The following RIMS1 variants were observed in gnomAD, a reference collection of about 807,000 sequenced individuals.
RIMS1 encodes regulating synaptic membrane exocytosis 1.
RIMS1 carries 83 observed loss-of-function variants against 214.1 expected under a neutral mutation model. The ratio of observed to expected loss-of-function variants is 0.39; its 90% CI spans 0.32 to 0.47. The LOEUF is 0.47. Ranked by LOEUF, RIMS1 falls within the 20% of genes least tolerant of loss-of-function variation. RIMS1 has a pLI of 0.99. For missense variants in RIMS1, 2,050 were observed against 2,161.8 expected, an observed-to-expected ratio of 0.95 and a Z score of 1.03; for synonymous variants, 793 against 786.8, an observed-to-expected ratio of 1.01 and a Z score of -0.13.
chr6:71,929,413 T>C (rs1782438845), intron 1 of RIMS1, among the ~76,000 whole-genome samples: 1 of 152,148 alleles, frequency 6.6e-6, no homozygotes, highest in Non-Finnish European at 1.5e-5. Flanking sequence ...ACAAAGTACA[T>C]TTTATTTGGA....
In RIMS1 at chr6:71,992,422, C is replaced by CTTTA. The variant is rs1156813138; in HGVS notation, c.245+23362_245+23363insATTT. Among the ~76,000 whole-genome samples the CTTTA allele has an allele frequency of 8.1e-5, 6 of 74,252 alleles. No individual in the cohort carries two copies. The South Asian group carries it at 2.2e-3, about 28-fold the overall frequency. 48.7% of individuals were successfully genotyped at this position (74,252 alleles called of 152,430 possible). A position where few individuals can be genotyped will look rare whatever the true frequency, so the allele number is the denominator to read the frequency against. ...TCTCTCTCTCTTTCTTTCTTTCTTT[C>CTTTA]TTTCTTTCTTTCTTTCTTTCTTTCT... On this transcript the variant is annotated intron_variant, in intron 2 of 33. Coordinates refer to ENST00000521978, the MANE Select transcript of RIMS1 (RefSeq NM_014989.7).
At chr6:72,266,216 G>GT in intron 22 of RIMS1, 167 bp downstream of exon 22, 1 of 661,116 alleles carries the variant, frequency 1.5e-6, no homozygotes, top group Non-Finnish European at 2.7e-6. Context: ...AGAGATATGC[G>GT]TATGTGGATA....
At chr6:72,003,338 C>T (rs146227850) in intron 2 of RIMS1, among the ~76,000 whole-genome samples, 31 of 152,056 alleles carry the variant, frequency 2.0e-4, no homozygotes, top group African/African-American at 6.0e-4. Flanking sequence ...TCTTGGTATC[C>T]GATTTTAAGT....
At chr6:72,053,043 A>C (rs557359910) in intron 2 of RIMS1, among the ~76,000 whole-genome samples, 1 of 152,204 alleles carries the variant, frequency 6.6e-6, no homozygotes, top group South Asian at 2.1e-4. Context: ...TACTTCCTGA[A>C]GTGAACCTTC....
chr6:72,383,878 TA>T (rs538673095), intron 29 of RIMS1, among the ~76,000 whole-genome samples: 210 of 151,980 alleles, frequency 1.4e-3, no homozygotes, highest in South Asian at 4.0e-3. Flanking sequence ...ACCTCAAAAA[TA>T]AAAAAAATAT....
chr6:71,999,737 C>T (rs1037257295), intron 2 of RIMS1, among the ~76,000 whole-genome samples: 3 of 152,082 alleles, frequency 2.0e-5, no homozygotes, highest in South Asian at 2.1e-4. Flanking sequence ...ATTAAGCAGG[C>T]AGGACAATTA....
intron 8 of RIMS1, 64 bp from the exon 9 acceptor site, chr6:72,237,759 C>G (rs1435181311): frequency 1.7e-6 from 2 of 1,183,956 alleles, no homozygotes; most frequent in African/African-American, 1.5e-5. Flanking sequence ...GGATTAATTC[C>G]TCAAACTAAT....
At chr6:71,938,851 C>T (rs1365252189) in intron 1 of RIMS1, among the ~76,000 whole-genome samples, 1 of 152,226 alleles carries the variant, frequency 6.6e-6, no homozygotes, top group African/African-American at 2.4e-5. Context: ...CCTTTGATCA[C>T]ACCCTCGGTT....
chr6:72,323,711 A>G (rs1297629252), intron 28 of RIMS1, among the ~76,000 whole-genome samples: 2 of 151,960 alleles, frequency 1.3e-5, no homozygotes, highest in Non-Finnish European at 1.5e-5. Context: ...ATCAAATTAC[A>G]AATCTGAAAT....
At position 71,920,730 on chromosome 6, in the gene RIMS1, T is replaced by C. The variant is rs1779724724; in HGVS notation, c.164+33543T>C. On this transcript the variant is annotated intron_variant, in intron 1 of 33. Coordinates refer to ENST00000521978, the MANE Select transcript of RIMS1 (RefSeq NM_014989.7). The stretch of plus-strand genomic sequence containing the variant: ...TTGACTTTTAGATCTGTAGCTTAAC[T>C]AGCCAGCATTAAATGAGCCTATTTA... Among the ~76,000 whole-genome samples the C allele has an allele frequency of 2.0e-5, 3 of 152,306 alleles. No homozygotes were observed. The South Asian group carries it at 6.2e-4, about 32-fold the overall frequency.
rs1796840856 is a variant in RIMS1, at chr6:71,975,201, TGGGTATA to T, written c.245+6139_245+6145del. 2.0e-5 allele frequency among the ~76,000 whole-genome samples: 3 copies of T among 152,184 alleles called. No homozygotes were observed. In the South Asian group the frequency reaches 6.2e-4, roughly 31 times the overall value. On this transcript the variant is annotated intron_variant, in intron 2 of 33. Coordinates refer to ENST00000521978, the MANE Select transcript of RIMS1 (RefSeq NM_014989.7). ...TATACAAAAAATAAACAATCTATAG[TGGGTATA>T]ACCAGTACTTAAACGAGGATTGGAG...
At chr6:72,061,509 GCACT>G (rs1227942626) in intron 2 of RIMS1, among the ~76,000 whole-genome samples, 2 of 152,222 alleles carry the variant, frequency 1.3e-5, no homozygotes, top group African/African-American at 4.8e-5. Context: ...GGTCCGCTTT[GCACT>G]CACTCAGCGG....
intron 2 of RIMS1, among the ~76,000 whole-genome samples, chr6:71,970,430 T>G (rs1176480817): frequency 6.6e-6 from 1 of 152,222 alleles, no homozygotes; most frequent in East Asian, 1.9e-4. Context: ...GGAATTAACA[T>G]TGATTTTAAA....
chr6:71,960,280 C>T (rs1347640020), intron 1 of RIMS1, among the ~76,000 whole-genome samples: 1 of 152,030 alleles, frequency 6.6e-6, no homozygotes, highest in Non-Finnish European at 1.5e-5. Context: ...TGGCTTGGGA[C>T]AAAGCCAGCA....
intron 2 of RIMS1, among the ~76,000 whole-genome samples, chr6:72,093,228 A>ATATATATATATATATATATATATTTAT (rs200655727): frequency 7.3e-6 from 1 of 136,964 alleles, no homozygotes; most frequent in Non-Finnish European, 1.6e-5. Context: ...ATATATATAT[A>ATATATATATATATATATATATATTTAT]AAAACATGTG....
chr6:72,067,863 C>T (rs1173974761), intron 2 of RIMS1, among the ~76,000 whole-genome samples: 2 of 152,164 alleles, frequency 1.3e-5, no homozygotes, highest in Non-Finnish European at 2.9e-5. Context: ...GAGTCAAGTA[C>T]TTTTAAAAAT....
At chr6:72,307,535 C>T (rs996206250) in intron 27 of RIMS1, among the ~76,000 whole-genome samples, 165 bp downstream of exon 27, 1 of 152,014 alleles carries the variant, frequency 6.6e-6, no homozygotes, top group African/African-American at 2.4e-5. Context: ...AAGGCAGGCA[C>T]ATCACCTAAG....
At position 72,252,779 on chromosome 6, in the gene RIMS1, A is replaced by T; in HGVS notation, c.2717A>T (p.Asp906Val). The change falls in exon 16 of 34, where the codon GAT becomes GTT. Residue 906 changes from aspartate to valine, a missense_variant. By Grantham distance (152) the Asp-to-Val change is radical. This residue lies in a region of RIMS1 where 889 missense variants were observed against 885.5 expected (regional missense o/e 1.00). Coordinates refer to ENST00000521978, the MANE Select transcript of RIMS1 (RefSeq NM_014989.7). ...TGTGCAGGATCTCAGCGAATCAGTG[A>T]TAGTGACATCTCAGATTATGAGGTT... The part of the protein sequence containing the change: ...KKLQRSQRIS[D>V]SDISDYEVDD... The T allele has an allele frequency of 6.4e-7, 1 of 1,559,550 alleles. No individual in the cohort carries two copies.
intron 4 of RIMS1, among the ~76,000 whole-genome samples, chr6:72,134,962 G>A (rs1431820221): frequency 1.3e-5 from 2 of 152,030 alleles, no homozygotes; most frequent in East Asian, 3.9e-4. Flanking sequence ...TCCAGAATGT[G>A]ACATTCAGTT....
Sources: allele counts gnomAD v4.1 joint callset (sites outside exome capture counted in the v4.1 genomes callset), GRCh38; gene constraint gnomAD v4.1.1; regional missense constraint gnomAD v4.1.1; transcripts MANE v1.5; gene names NCBI Gene and HGNC (gene_info 2026-07-23, HGNC 2026-07-21).